The following MSL2 variants were observed in gnomAD, a reference collection of about 807,000 sequenced individuals.
MSL2 encodes MSL complex subunit 2.
In MSL2, 2 loss-of-function variants were observed where a neutral mutation model predicts 35.8. The ratio of observed to expected loss-of-function variants is 0.06; its 90% CI spans 0.02 to 0.18. The LOEUF (loss-of-function observed/expected upper bound fraction) is 0.18. Among genes scored for constraint, MSL2 ranks in the 10% least tolerant of loss-of-function variants. The probability of loss-of-function intolerance (pLI) is 1.00; values close to 1 mark genes in which losing one functional copy is unlikely to be tolerated. For missense variants in MSL2, 523 were observed against 706.7 expected (o/e 0.74, Z 2.95); for synonymous variants, 296 against 255.7 (o/e 1.16, Z -1.50).
At chr3:136,191,765 C>T (rs544348588) in intron 1 of MSL2, among the ~76,000 whole-genome samples, 126 of 152,264 alleles carry the variant, frequency 8.3e-4, no homozygotes, top group Middle Eastern at 6.8e-3. Flanking sequence ...ATAGCAAGAT[C>T]CTGTTTCAAT....
At chr3:136,180,753 GGAGGGA>G (rs1940318219) in intron 1 of MSL2, among the ~76,000 whole-genome samples, 2 of 94,578 alleles carry the variant, frequency 2.1e-5, no homozygotes, top group African/African-American at 8.0e-5. Context: ...GAGGAGGGAA[GGAGGGA>G]AGGAGGGAGG....
intron 1 of MSL2, among the ~76,000 whole-genome samples, chr3:136,190,356 T>C (rs975584089): frequency 6.6e-6 from 1 of 152,088 alleles, no homozygotes; most frequent in African/African-American, 2.4e-5. Context: ...TCAAGACCAA[T>C]CTAGACAACA....
At chr3:136,187,631 C>T (rs939906359) in intron 1 of MSL2, among the ~76,000 whole-genome samples, 6 of 151,758 alleles carry the variant, frequency 4.0e-5, no homozygotes, top group East Asian at 3.9e-4. Context: ...GATCACACCA[C>T]TGCACTCCAG....
rs780078775 is a variant in MSL2, at chr3:136,152,473, T to C, written c.408A>G (p.Gly136=). The C allele has an allele frequency of 4.3e-6, 7 of 1,614,022 alleles. No homozygotes were observed. The African/African-American group carries it at 9.3e-5, about 22-fold the overall frequency. Residue 136 remains glycine (G), a synonymous_variant, in exon 2 of 2, where the codon GGA becomes GGG. Transcript: ENST00000309993. ...SSDILALLND[G]SLFCEETEKP... is the part of the protein sequence containing the mutation. ...TTTCTGTCTCCTCACAAAACAATGA[T>C]CCATCATTAAGCAAAGCCAAAATAT... is the stretch of plus-strand genomic sequence containing the variant.
Position 136,194,723 on chromosome 3 carries a change from T to C in MSL2, c.142+249A>G, listed in dbSNP as rs1002475359. On this transcript the variant is annotated intron_variant, in intron 1 of 1. Transcript: ENST00000309993. The stretch of plus-strand genomic sequence containing the variant: ...CCCCACTTAAACCACCACCACCAGA[T>C]GAACCGAGGCGAATTAAACCATTTT... Among the ~76,000 whole-genome samples, 7 of 150,722 alleles carry C rather than the reference T, an allele frequency of 4.6e-5. No homozygotes were observed. In the South Asian group the frequency reaches 6.3e-4, roughly 14 times the overall value.
chr3:136,150,324 AT>A lies in MSL2; in HGVS notation c.*822del, dbSNP rs1939319351. On this transcript the variant is annotated 3_prime_UTR_variant, in exon 2 of 2. Transcript: ENST00000309993. ...AGTCTGGGAGCATTATTCCAAAATT[AT>A]TTTAAGTAAATCCCAATTACTAAAT... is the stretch of plus-strand genomic sequence containing the variant. 1 of 152,328 alleles carries A rather than the reference AT, an allele frequency of 6.6e-6. No individual in the cohort carries two copies. The highest frequency in any genetic ancestry group is 6.5e-5 in the Admixed American group (1 of 15,290). 9.4% of individuals were successfully genotyped at this position (152,328 alleles called of 1,614,324 possible). A position where few individuals can be genotyped will look rare whatever the true frequency, so the allele number is the denominator to read the frequency against.
chr3:136,180,404 C>T (rs1437122340), intron 1 of MSL2, among the ~76,000 whole-genome samples: 1 of 151,938 alleles, frequency 6.6e-6, no homozygotes, highest in Non-Finnish European at 1.5e-5. Context: ...TTACCAAGGA[C>T]CTGTTCAGAT....
intron 1 of MSL2, among the ~76,000 whole-genome samples, chr3:136,189,689 A>C (rs1005726667): frequency 1.4e-5 from 2 of 145,516 alleles, no homozygotes; most frequent in African/African-American, 5.2e-5. Flanking sequence ...GCGCCACTGC[A>C]CTCCAGCCTG....
Position 136,189,108 on chromosome 3 carries a change from CAAAAAAAAAA to C in MSL2, c.142+5854_142+5863del, listed in dbSNP as rs372715974. Among the ~76,000 whole-genome samples, 210 of 38,602 alleles carry C rather than the reference CAAAAAAAAAA, an allele frequency of 5.4e-3. 6 individuals carry two copies. Among genetic ancestry groups the C allele is most frequent in the South Asian group, 0.033 (34 of 1,026 alleles). The allele number at this position is 38,602 out of a possible 152,430, so 25.3% of individuals were successfully genotyped here. A position where few individuals can be genotyped will look rare whatever the true frequency, so the allele number is the denominator to read the frequency against. ...GCAACATGGTGAAACCCTGTCTCTA[CAAAAAAAAAA>C]AAAAAAAAAAAAAAAAAACACACAC... On this transcript the variant is annotated intron_variant, in intron 1 of 1. Transcript: ENST00000309993.
At chr3:136,179,927 G>A (rs1262012787) in intron 1 of MSL2, among the ~76,000 whole-genome samples, 2 of 152,096 alleles carry the variant, frequency 1.3e-5, no homozygotes, top group South Asian at 2.1e-4. Context: ...CTAGCCAGGC[G>A]TGGTGGCGGG....
chr3:136,191,205 A>G (rs1321397029), intron 1 of MSL2, among the ~76,000 whole-genome samples: 1 of 152,120 alleles, frequency 6.6e-6, no homozygotes, highest in Non-Finnish European at 1.5e-5. Flanking sequence ...ACGGTGGCTC[A>G]CACCTGTAAT....
intron 1 of MSL2, among the ~76,000 whole-genome samples, chr3:136,183,527 TCCTCCCACCTCAG>T (rs1412850610): frequency 3.3e-5 from 5 of 152,038 alleles, no homozygotes; most frequent in African/African-American, 9.7e-5. Context: ...GCTCAAGCAA[TCCTCCCACCTCAG>T]CCTCCCAAGG....
At chr3:136,189,793 A>C (rs1940631800) in intron 1 of MSL2, among the ~76,000 whole-genome samples, 1 of 151,864 alleles carries the variant, frequency 6.6e-6, no homozygotes, top group Non-Finnish European at 1.5e-5. Context: ...GTTAAAATAG[A>C]CCCTGTTTTA....
In MSL2 at chr3:136,174,128, A is replaced by C. The variant is rs78726835; in HGVS notation, c.142+20844T>G. ...ATATTGTCATTGTTCACTGGGTCTCACTCAAGGCCAGAAACTTATTTATCT... is the reference window on the plus strand; with the variant it reads ...ATATTGTCATTGTTCACTGGGTCTCCCTCAAGGCCAGAAACTTATTTATCT... On this transcript the variant is annotated intron_variant, in intron 1 of 1. Coordinates refer to ENST00000309993, the MANE Select transcript of MSL2 (RefSeq NM_018133.4). Among the ~76,000 whole-genome samples, 368 of 152,322 alleles carry C rather than the reference A, an allele frequency of 2.4e-3. 1 individual carries two copies. The highest frequency in any genetic ancestry group is 8.6e-3 in the African/African-American group (356 of 41,568).
At chr3:136,168,396 T>C (rs1389896834) in intron 1 of MSL2, among the ~76,000 whole-genome samples, 1 of 151,856 alleles carries the variant, frequency 6.6e-6, no homozygotes, top group Non-Finnish European at 1.5e-5. Context: ...ATAAAGAAAA[T>C]GTGGCACACA....
At chr3:136,167,615 G>C (rs1004435274) in intron 1 of MSL2, among the ~76,000 whole-genome samples, 4 of 152,078 alleles carry the variant, frequency 2.6e-5, no homozygotes, top group Non-Finnish European at 5.9e-5. Context: ...GAAAATTAAT[G>C]AAGACTCACA....
rs953633078 is a variant in MSL2, at chr3:136,182,059, TCA to T, written c.142+12911_142+12912del. On this transcript the variant is annotated intron_variant, in intron 1 of 1. Coordinates refer to ENST00000309993, the MANE Select transcript of MSL2 (RefSeq NM_018133.4). The stretch of plus-strand genomic sequence containing the variant: ...GATGAAAACACTGAAGGCAAATTTC[TCA>T]CACAGTTTTAAGAACAAATCTAAGT... Among the ~76,000 whole-genome samples the T allele has an allele frequency of 7.2e-5, 11 of 152,276 alleles. No homozygotes were observed. The South Asian group carries it at 8.3e-4, about 11-fold the overall frequency.
In MSL2 at chr3:136,195,545, G is replaced by C. The variant is rs1418060864; in HGVS notation, c.-432C>G. On this transcript the variant is annotated 5_prime_UTR_variant, in exon 1 of 2. Coordinates refer to ENST00000309993, the MANE Select transcript of MSL2 (RefSeq NM_018133.4). Reference sequence around the variant, plus strand: ...GGAGCAGGCCCCGGCCCCGTCTGAGGCGCGGCACGCTTCTCCCGGGCTGCA... The same window carrying C: ...GGAGCAGGCCCCGGCCCCGTCTGAGCCGCGGCACGCTTCTCCCGGGCTGCA... 2.0e-6 allele frequency: 2 copies of C among 1,001,552 alleles called. No individual in the cohort carries two copies. Among genetic ancestry groups the C allele is most frequent in the Middle Eastern group, 5.0e-4 (1 of 1,984 alleles). The allele number at this position is 1,001,552 out of a possible 1,614,324, so 62.0% of individuals were successfully genotyped here. A position where few individuals can be genotyped will look rare whatever the true frequency, so the allele number is the denominator to read the frequency against.
chr3:136,178,979 C>CTTTTTT (rs763670751), intron 1 of MSL2, among the ~76,000 whole-genome samples: 1 of 101,814 alleles, frequency 9.8e-6, no homozygotes, highest in African/African-American at 3.4e-5. Flanking sequence ...TGTTGGTTTT[C>CTTTTTT]TTTTTTTTTT....
Sources: gnomAD v4.1 joint callset for allele counts (sites outside exome capture counted in the v4.1 genomes callset) on GRCh38, gnomAD v4.1.1 for gene constraint, MANE v1.5 for transcripts, NCBI Gene and HGNC (gene_info 2026-07-23, HGNC 2026-07-21) for gene names.